Variants in DECR2 observed in about 807,000 individuals in gnomAD.
The protein encoded by DECR2 is peroxisomal 2,4-dienoyl-CoA reductase [(3E)-enoyl-CoA-producing].
A neutral mutation model predicts 29.2 loss-of-function variants in DECR2; 34 were observed. The ratio of observed to expected loss-of-function variants is 1.16; its 90% confidence interval spans 0.89 to 1.55. The LOEUF (loss-of-function observed/expected upper bound fraction) is 1.55, where lower values mean the gene tolerates loss of function less well. Ranked by LOEUF, DECR2 falls within the 40% of genes most tolerant of loss-of-function variation. DECR2 has a pLI of 0.00. For synonymous variants in DECR2, 224 were observed against 182.7 expected (o/e 1.23, Z -1.82); for missense variants, 485 against 425.3 (o/e 1.14, Z -1.23).
In DECR2 at chr16:410,183, C is replaced by A; in HGVS notation, c.338-60C>A. ...CCCTCCGCTCTGCCCACCTGGCCACCACCCACTTGGCATCCCTCTCCCCAG... is the reference window on the plus strand; with the variant it reads ...CCCTCCGCTCTGCCCACCTGGCCACAACCCACTTGGCATCCCTCTCCCCAG... On this transcript the variant is annotated intron_variant, in intron 4 of 8. Coordinates refer to ENST00000219481, the MANE Select transcript of DECR2 (RefSeq NM_020664.4). This position sits in a 1 kb window ranked among gnomAD's most constrained non-coding sequence, Gnocchi z 4.1. The A allele has an allele frequency of 6.3e-7, 1 of 1,580,268 alleles. No individual in the cohort carries two copies.
At chr16:405,243 G>A (rs1404118385) in intron 2 of DECR2, 2 of 629,594 alleles carry the variant, frequency 3.2e-6, no homozygotes, top group African/African-American at 3.7e-5. Flanking sequence ...AGATTGTGTG[G>A]CTCTGGTCTG....
Position 402,024 on chromosome 16 carries a change from T to C in DECR2, c.61T>C (p.Phe21Leu). 6.7e-7 allele frequency: 1 copy of C among 1,484,232 alleles called. No individual in the cohort carries two copies. The highest frequency in any genetic ancestry group is 8.9e-7 in the Non-Finnish European group (1 of 1,123,786). 91.9% of individuals were successfully genotyped at this position (1,484,232 alleles called of 1,614,324 possible). A position where few individuals can be genotyped will look rare whatever the true frequency, so the allele number is the denominator to read the frequency against. The stretch of plus-strand genomic sequence containing the variant: ...CTGTCTCCCCGCGTACCGCCACCTC[T>C]TCTGCCCGGACCTGCTGCGGTGAGC... Reference protein sequence around the residue: ...DDCLPAYRHLFCPDLLRDKVA... With the variant: ...DDCLPAYRHLLCPDLLRDKVA... Residue 21 changes from phenylalanine to leucine, a missense_variant, in exon 1 of 9, where the codon TTC becomes CTC. By Grantham distance (22) the Phe-to-Leu change is conservative. Transcript: ENST00000219481.
At chr16:402,272 T>G (rs2054676303) in intron 1 of DECR2, among the ~76,000 whole-genome samples, 1 of 151,884 alleles carries the variant, frequency 6.6e-6, no homozygotes, top group African/African-American at 2.4e-5. Flanking sequence ...CCTCCCGGGT[T>G]CAAGCGATTC....
intron 4 of DECR2, among the ~76,000 whole-genome samples, chr16:409,417 G>A (rs895106897): frequency 6.0e-5 from 9 of 150,644 alleles, no homozygotes; most frequent in Admixed American, 6.6e-5. Flanking sequence ...TGATCCGCCC[G>A]CCTCAGCCTC....
intron 2 of DECR2, 87 bp from the exon 3 acceptor site, chr16:406,259 C>T: frequency 7.0e-7 from 1 of 1,432,990 alleles, no homozygotes; most frequent in South Asian, 1.2e-5. Context: ...GTACTTCCGC[C>T]TGAGAGACTC....
intron 4 of DECR2, among the ~76,000 whole-genome samples, chr16:408,384 T>TCTGGCCCTCTGTCTCCAGGCCTTTGTGTC (rs2054769291): frequency 6.6e-6 from 1 of 151,970 alleles, no homozygotes; most frequent in African/African-American, 2.4e-5. Flanking sequence ...GCCCTCTGTC[T>TCTGGCCCTCTGTCTCCAGGCCTTTGTGTC]CCGGCCTGAC....
intron 3 of DECR2, 149 bp from the exon 4 acceptor site, chr16:407,276 C>T: frequency 1.4e-6 from 2 of 1,451,978 alleles, no homozygotes; most frequent in Non-Finnish European, 1.8e-6. Flanking sequence ...GTCGTGGGCA[C>T]TTGCAGGCTG....
Position 405,013 on chromosome 16 carries a change from G to C in DECR2, c.138G>C (p.Glu46Asp). 8.7e-6 allele frequency: 14 copies of C among 1,614,134 alleles called. No homozygotes were observed. Among genetic ancestry groups the C allele is most frequent in the Non-Finnish European group, 1.2e-5 (14 of 1,179,988 alleles). Residue 46 changes from glutamate to aspartate, a missense_variant, in exon 2 of 9, where the codon GAG becomes GAC. Physicochemically the swap from Glu to Asp is conservative, Grantham distance 45 (BLOSUM62 2). Coordinates refer to ENST00000219481, the MANE Select transcript of DECR2 (RefSeq NM_020664.4). ...CTGGGATTGGGTTCCGGATTGCTGA[G>C]ATTTTCATGCGGTGAGACTGCTCTG... Reference protein sequence around the residue: ...GGSGIGFRIAEIFMRHGCHTV... With the variant: ...GGSGIGFRIADIFMRHGCHTV...
rs1469720075 is a variant in DECR2 at position 402,020 on chromosome 16, C to T, written c.57C>T (p.His19=). ...EGDDCLPAYR[H]LFCPDLLRDK... is the part of the protein sequence containing the mutation. ...ACGACTGTCTCCCCGCGTACCGCCA[C>T]CTCTTCTGCCCGGACCTGCTGCGGT... The change falls in exon 1 of 9, where the codon CAC becomes CAT. Residue 19 remains histidine, a synonymous_variant. Coordinates refer to ENST00000219481, the MANE Select transcript of DECR2 (RefSeq NM_020664.4). 27 of 1,484,828 alleles carry T rather than the reference C, an allele frequency of 1.8e-5. No homozygotes were observed. The highest frequency in any genetic ancestry group is 1.8e-4 in the Middle Eastern group (1 of 5,446). The allele number at this position is 1,484,828 out of a possible 1,614,324, so 92.0% of individuals were successfully genotyped here. A position where few individuals can be genotyped will look rare whatever the true frequency, so the allele number is the denominator to read the frequency against.
chr16:407,152 C>T (rs1317191404), intron 3 of DECR2: 2 of 1,260,558 alleles, frequency 1.6e-6, no homozygotes, highest in African/African-American at 1.5e-5. Flanking sequence ...CTCTGGTCTG[C>T]AGCAGGGGCA....
In DECR2 at chr16:410,769, G is replaced by A. The variant is rs367817507; in HGVS notation, c.541G>A (p.Ala181Thr). ...GGCGCTCCAGGTGCATGCAGGCTCC[G>A]CCAAGGCCGCTGTGGGTATGACCAC... ...GQALQVHAGS[A>T]KAAVDAMTRH... is the part of the protein sequence containing the mutation. The change falls in exon 6 of 9, where the codon GCC becomes ACC. Residue 181 changes from alanine to threonine, a missense_variant. Coordinates refer to ENST00000219481, the MANE Select transcript of DECR2 (RefSeq NM_020664.4). The surrounding 1 kb of genome is among the most constrained non-coding windows in gnomAD (Gnocchi z 4.1). 30 of 1,599,352 alleles carry A rather than the reference G, an allele frequency of 1.9e-5. No homozygotes were observed. The highest frequency in any genetic ancestry group is 4.5e-5 in the East Asian group (2 of 44,320).
chr16:410,630 A>G lies in DECR2; in HGVS notation c.463-61A>G. The G allele has an allele frequency of 7.5e-7, 1 of 1,327,702 alleles. No homozygotes were observed. Among genetic ancestry groups the G allele is most frequent in the Non-Finnish European group, 1.0e-6 (1 of 987,248 alleles). 82.2% of individuals were successfully genotyped at this position (1,327,702 alleles called of 1,614,324 possible). On this transcript the variant is annotated intron_variant, in intron 5 of 8. Transcript: ENST00000219481. The surrounding 1 kb of genome is among the most constrained non-coding windows in gnomAD (Gnocchi z 4.1). ...GCCTCCCCCTGACAGCCACCCGCTC[A>G]CTGTCCTGTGACCTCCCCCGACACC...
chr16:406,544 C>T, intron 3 of DECR2, 147 bp downstream of exon 3: 1 of 776,216 alleles, frequency 1.3e-6, no homozygotes, highest in Non-Finnish European at 2.1e-6. Flanking sequence ...GTCACCCAGG[C>T]TGAAGTGTGG....
chr16:410,828 CA>C lies in DECR2; in HGVS notation c.556+46del. The C allele has an allele frequency of 6.5e-7, 1 of 1,538,020 alleles. No individual in the cohort carries two copies. Among genetic ancestry groups the C allele is most frequent in the South Asian group, 1.2e-5 (1 of 84,004 alleles). On this transcript the variant is annotated intron_variant, in intron 6 of 8. Transcript: ENST00000219481. This position sits in a 1 kb window ranked among gnomAD's most constrained non-coding sequence, Gnocchi z 4.1. ...GCCCAGGTTTGCCCACGTGGGTCCC[CA>C]ATGGGCCGTCTGCTTCCATCCCAGG...
At chr16:406,519 C>CTCCCGTCTCA in intron 3 of DECR2, 122 bp downstream of exon 3, 2 of 956,418 alleles carry the variant, frequency 2.1e-6, no homozygotes, top group Non-Finnish European at 3.1e-6. Flanking sequence ...TTTTCTGAGA[C>CTCCCGTCTCA]GGGAGTCTCG....
chr16:407,124 G>C (rs931707186), intron 3 of DECR2: 1 of 1,194,230 alleles, frequency 8.4e-7, no homozygotes, highest in African/African-American at 1.6e-5. Context: ...CCTGGGAGGA[G>C]AGTCTCACCT....
chr16:409,851 C>G, intron 4 of DECR2: 1 of 195,612 alleles, frequency 5.1e-6, no homozygotes, highest in Non-Finnish European at 1.1e-5. Context: ...CGTCGCTGCA[C>G]TGTCTGCCAC....
intron 2 of DECR2, chr16:405,268 C>G: frequency 1.7e-6 from 1 of 603,024 alleles, no homozygotes; most frequent in Non-Finnish European, 2.9e-6. Context: ...CTGCTGGGAC[C>G]TCGAGAGTCA....
chr16:410,785 G>A lies in DECR2; in HGVS notation c.556+1G>A. 2 of 1,590,032 alleles carry A rather than the reference G, an allele frequency of 1.3e-6. No homozygotes were observed. The highest frequency in any genetic ancestry group is 1.1e-5 in the South Asian group (1 of 87,766). Reference sequence around the variant, plus strand: ...GCAGGCTCCGCCAAGGCCGCTGTGGGTATGACCACCCCCCCCCGCCCAGGT... The same window carrying A: ...GCAGGCTCCGCCAAGGCCGCTGTGGATATGACCACCCCCCCCCGCCCAGGT... On this transcript the variant is annotated splice_donor_variant, in intron 6 of 8. Coordinates refer to ENST00000219481, the MANE Select transcript of DECR2 (RefSeq NM_020664.4). LOFTEE classifies it high-confidence loss of function. This position sits in a 1 kb window ranked among gnomAD's most constrained non-coding sequence, Gnocchi z 4.1.
Sources: allele counts gnomAD v4.1 joint callset (sites outside exome capture counted in the v4.1 genomes callset), GRCh38; gene constraint gnomAD v4.1.1; non-coding constraint Gnocchi (gnomAD v3.1); transcripts MANE v1.5; gene names NCBI Gene and HGNC (gene_info 2026-07-23, HGNC 2026-07-21).